The following MDH1B variants were observed in gnomAD, a reference collection of about 807,000 sequenced individuals.
MDH1B encodes putative malate dehydrogenase 1B.
MDH1B carries 60 observed loss-of-function variants against 61.4 expected under a neutral mutation model. The observed-to-expected ratio is 0.98, with a 90% confidence interval of 0.79 to 1.21. The LOEUF (loss-of-function observed/expected upper bound fraction) is 1.21. Among genes scored for constraint, MDH1B ranks in the 50% most tolerant of loss-of-function variants. The pLI, the probability that MDH1B is intolerant of heterozygous loss-of-function variation, is 0.00. For missense variants in MDH1B, 587 were observed against 632.1 expected (o/e 0.93, Z 0.76); for synonymous variants, 236 against 218.7 (o/e 1.08, Z -0.70).
intron 2 of MDH1B, among the ~76,000 whole-genome samples, chr2:206,759,910 A>G (rs1243547339): frequency 1.3e-5 from 2 of 152,206 alleles, no homozygotes; most frequent in Admixed American, 1.3e-4. Context: ...GAAATCTATA[A>G]TGGATGGTAG....
intron 9 of MDH1B, 192 bp from the exon 10 acceptor site, chr2:206,741,296 A>C (rs1294561900): frequency 2.7e-6 from 2 of 736,044 alleles, no homozygotes; most frequent in Non-Finnish European, 4.5e-6. Flanking sequence ...ACATGAAATA[A>C]TACTTATCTT....
chr2:206,752,435 G>A (rs1054725986), intron 5 of MDH1B, among the ~76,000 whole-genome samples: 1 of 151,754 alleles, frequency 6.6e-6, no homozygotes, highest in Non-Finnish European at 1.5e-5. Flanking sequence ...TGAGATTCCC[G>A]CCCCCATCGG....
Position 206,755,915 on chromosome 2 carries a change from CT to C in MDH1B, c.414-411del, listed in dbSNP as rs34981283. 4.4e-3 allele frequency among the ~76,000 whole-genome samples: 622 copies of C among 140,652 alleles called. 1 individual carries two copies. The highest frequency in any genetic ancestry group is 3.3e-3 in the East Asian group (16 of 4,824). 92.3% of individuals were successfully genotyped at this position (140,652 alleles called of 152,430 possible). On this transcript the variant is annotated intron_variant, in intron 4 of 11. Transcript: ENST00000374412. The stretch of plus-strand genomic sequence containing the variant: ...TACAACCTCATCTACACAATAATGA[CT>C]TTTTTTTTTTTTTTGGAAAGGGCTA...
chr2:206,765,104 C>T, intron 1 of MDH1B, 146 bp downstream of exon 1: 1 of 1,011,422 alleles, frequency 9.9e-7, no homozygotes, highest in Non-Finnish European at 1.4e-6. Flanking sequence ...GCTTGGCGCA[C>T]CGTCACGGTC....
In MDH1B at chr2:206,760,886, A is replaced by G. The variant is rs768414200; in HGVS notation, c.135+15T>C. 2.0e-6 allele frequency: 3 copies of G among 1,477,078 alleles called. No homozygotes were observed. The highest frequency in any genetic ancestry group is 1.7e-5 in the Admixed American group (1 of 58,848). The allele number at this position is 1,477,078 out of a possible 1,614,324, so 91.5% of individuals were successfully genotyped here. On this transcript the variant is annotated intron_variant, in intron 2 of 11. Coordinates refer to ENST00000374412, the MANE Select transcript of MDH1B (RefSeq NM_001039845.3). ...TGTGCATGAGTGAGTTCAACAAACT[A>G]TAAAGGCTTCTTACCTCCCAAACCT...
At position 206,761,014 on chromosome 2, in the gene MDH1B, C is replaced by A; in HGVS notation, c.23-1G>T. On this transcript the variant is annotated splice_acceptor_variant, in intron 1 of 11. Coordinates refer to ENST00000374412, the MANE Select transcript of MDH1B (RefSeq NM_001039845.3). LOFTEE classifies it high-confidence loss of function. ...GCATAATATGGACAATCTGCTCTAC[C>A]TAAAAGAGTTCAAATTAGCAATGTT... is the stretch of plus-strand genomic sequence containing the variant. 5 of 1,523,048 alleles carry A rather than the reference C, an allele frequency of 3.3e-6. No individual in the cohort carries two copies. In the East Asian group the frequency reaches 1.1e-4, roughly 35 times the overall value. 94.3% of individuals were successfully genotyped at this position (1,523,048 alleles called of 1,614,324 possible).
chr2:206,764,766 C>T (rs1470979935), intron 1 of MDH1B, among the ~76,000 whole-genome samples: 3 of 152,174 alleles, frequency 2.0e-5, no homozygotes, highest in African/African-American at 4.8e-5. Flanking sequence ...CCTGTTGTAG[C>T]CCCAGGTCCT....
chr2:206,762,393 G>A (rs1047216774), intron 1 of MDH1B, among the ~76,000 whole-genome samples: 3 of 152,106 alleles, frequency 2.0e-5, no homozygotes, highest in African/African-American at 7.2e-5. Context: ...TTCAATGGAA[G>A]AGGAGTCCTA....
intron 5 of MDH1B, among the ~76,000 whole-genome samples, chr2:206,752,630 A>G (rs1250410069): frequency 1.3e-5 from 2 of 152,146 alleles, no homozygotes; most frequent in African/African-American, 4.8e-5. Context: ...AGCATATGGT[A>G]GGCTTCCTTC....
chr2:206,750,819 T>C, intron 6 of MDH1B, 115 bp downstream of exon 6: 1 of 862,938 alleles, frequency 1.2e-6, no homozygotes, highest in Non-Finnish European at 1.6e-6. Flanking sequence ...CAAATATGAG[T>C]GTGAACAATG....
intron 2 of MDH1B, among the ~76,000 whole-genome samples, chr2:206,759,580 A>C (rs1271179788): frequency 6.6e-6 from 1 of 152,154 alleles, no homozygotes; most frequent in Non-Finnish European, 1.5e-5. Flanking sequence ...CTTTTTCTCC[A>C]CAACCTCGCC....
rs1050872273 is a variant in MDH1B, at chr2:206,757,312, G to T, written c.195C>A (p.Ile65=). ...NKWSHKNSPI[I]WRELLDRGGK... The stretch of plus-strand genomic sequence containing the variant: ...CTCCACGATCCAACAGCTCTCTCCA[G>T]ATGATAGGGGAATTCTTGTGACTCC... The change falls in exon 3 of 12, where the codon ATC becomes ATA. Residue 65 remains isoleucine (I), a synonymous_variant. Transcript: ENST00000374412. The T allele has an allele frequency of 5.0e-6, 8 of 1,613,906 alleles. No homozygotes were observed. The highest frequency in any genetic ancestry group is 6.8e-6 in the Non-Finnish European group (8 of 1,179,868).
rs776042101 is a variant in MDH1B, at chr2:206,765,275, C to A, written c.-4G>T. ...CCGCGATGACGAATTTGGCCATGGT[C>A]GAGAGAGACTCAGAGGCAGGGACCG... is the stretch of plus-strand genomic sequence containing the variant. On this transcript the variant is annotated 5_prime_UTR_variant, in exon 1 of 12. Coordinates refer to ENST00000374412, the MANE Select transcript of MDH1B (RefSeq NM_001039845.3). 4.4e-6 allele frequency: 7 copies of A among 1,601,164 alleles called. No homozygotes were observed. Among genetic ancestry groups the A allele is most frequent in the East Asian group, 4.6e-5 (2 of 43,872 alleles).
chr2:206,757,634 C>T (rs1688838152), intron 2 of MDH1B, among the ~76,000 whole-genome samples: 1 of 152,136 alleles, frequency 6.6e-6, no homozygotes, highest in African/African-American at 2.4e-5. Context: ...CTGAGGAGAC[C>T]TGGAATCCAA....
At chr2:206,748,177 G>A (rs1318955934) in intron 7 of MDH1B, among the ~76,000 whole-genome samples, 3 of 152,150 alleles carry the variant, frequency 2.0e-5, no homozygotes, top group Non-Finnish European at 2.9e-5. Flanking sequence ...TCAGGAGATC[G>A]AGACCATTCT....
At chr2:206,751,714 A>G (rs141901877) in intron 5 of MDH1B, among the ~76,000 whole-genome samples, 25 of 152,338 alleles carry the variant, frequency 1.6e-4, no homozygotes, top group African/African-American at 5.8e-4. Context: ...GTGGATGAGA[A>G]AACAACTATT....
intron 2 of MDH1B, 39 bp from the exon 3 acceptor site, chr2:206,757,410 C>T (rs753001223): frequency 5.0e-6 from 8 of 1,592,472 alleles, no homozygotes; most frequent in African/African-American, 4.0e-5. Flanking sequence ...TATATTAAAT[C>T]TGCCTGAGAA....
At chr2:206,742,694 AGC>A (rs77891306) in intron 9 of MDH1B, among the ~76,000 whole-genome samples, 41,885 of 147,184 alleles carry the variant, frequency 0.28, 8,083 homozygotes, top group East Asian at 0.55. Flanking sequence ...ACTCAAAAAG[AGC>A]TGCTTGATGT....
intron 9 of MDH1B, 85 bp from the exon 10 acceptor site, chr2:206,741,189 T>G (rs945530525): frequency 5.2e-5 from 82 of 1,567,876 alleles, no homozygotes; most frequent in Admixed American, 5.0e-4. Context: ...GAGTCAATGT[T>G]TTTCAAACTT....
Sources: gnomAD v4.1 joint callset for allele counts (sites outside exome capture counted in the v4.1 genomes callset) on GRCh38, gnomAD v4.1.1 for gene constraint, MANE v1.5 for transcripts, NCBI Gene and HGNC (gene_info 2026-07-23, HGNC 2026-07-21) for gene names.